Variants in TLK1 observed in about 807,000 individuals in gnomAD.
The protein encoded by TLK1 is tousled like kinase 1.
Under a neutral mutation model 105.3 loss-of-function variants are expected in TLK1, and 24 were observed. That is an observed-to-expected ratio of 0.23 (90% CI 0.17 to 0.32). The LOEUF is 0.32. Ranked by LOEUF, TLK1 falls within the 10% of genes least tolerant of loss-of-function variation. TLK1 has a pLI of 1.00. For synonymous variants in TLK1, 321 were observed against 310.4 expected (o/e 1.03, Z -0.36); for missense variants, 558 against 910.5 (o/e 0.61, Z 4.98).
chr2:171,046,109 C>A, intron 11 of TLK1, 65 bp downstream of exon 11: 2 of 1,287,714 alleles, frequency 1.6e-6, no homozygotes, highest in Non-Finnish European at 1.0e-6. Context: ...AAATAACATC[C>A]ATTAGTAACA....
At chr2:171,105,287 ACAACT>A (rs1255703935) in intron 2 of TLK1, among the ~76,000 whole-genome samples, 8 of 152,230 alleles carry the variant, frequency 5.3e-5, no homozygotes, top group African/African-American at 1.9e-4. Flanking sequence ...AGGAACTCAA[ACAACT>A]CAACAGCAAA....
At chr2:171,124,479 C>A (rs2105543743) in intron 1 of TLK1, among the ~76,000 whole-genome samples, 1 of 152,324 alleles carries the variant, frequency 6.6e-6, no homozygotes, top group African/African-American at 2.4e-5. Flanking sequence ...TTTACCACTT[C>A]TAAGCCAGTC....
At chr2:171,020,425 A>G (rs1301365225) in intron 12 of TLK1, among the ~76,000 whole-genome samples, 1 of 151,968 alleles carries the variant, frequency 6.6e-6, no homozygotes, top group Non-Finnish European at 1.5e-5. Context: ...CTGTAGTCCC[A>G]GCTACTTGAG....
At chr2:171,154,419 A>C (rs1692158470) in intron 1 of TLK1, 1 of 152,080 alleles carries the variant, frequency 6.6e-6, no homozygotes, top group Non-Finnish European at 1.5e-5. Flanking sequence ...TAATGGAAAA[A>C]AAAAACCAAC....
At position 171,145,589 on chromosome 2, in the gene TLK1, CAAAAAAA is replaced by C. The variant is rs71401407; in HGVS notation, c.139+14694_139+14700del. ...TGGGCAACAGGGTGAGACTCTGTCT[CAAAAAAA>C]AAAAAACAAAAAACAAATATAATGT... On this transcript the variant is annotated intron_variant, in intron 1 of 20. Coordinates refer to ENST00000431350, the MANE Select transcript of TLK1 (RefSeq NM_012290.5). 1.5e-3 allele frequency among the ~76,000 whole-genome samples: 174 copies of C among 116,174 alleles called. 4 individuals are homozygous for C. The highest frequency in any genetic ancestry group is 5.3e-3 in the African/African-American group (166 of 31,166). The allele number at this position is 116,174 out of a possible 152,430, so 76.2% of individuals were successfully genotyped here. A position where few individuals can be genotyped will look rare whatever the true frequency, so the allele number is the denominator to read the frequency against.
chr2:171,104,954 G>T (rs1389634336), intron 2 of TLK1, among the ~76,000 whole-genome samples: 1 of 152,118 alleles, frequency 6.6e-6, no homozygotes, highest in Non-Finnish European at 1.5e-5. Context: ...ATATCCATAG[G>T]CAGAAAAATG....
chr2:171,101,265 GAACC>G (rs879744617), intron 2 of TLK1, among the ~76,000 whole-genome samples: 5,545 of 146,960 alleles, frequency 0.038, 403 homozygotes, highest in East Asian at 0.31. Context: ...AGAATCACTT[GAACC>G]CAGAAGGTGG....
chr2:171,063,129 T>G (rs1159757807), intron 3 of TLK1, among the ~76,000 whole-genome samples: 1 of 152,270 alleles, frequency 6.6e-6, no homozygotes, highest in African/African-American at 2.4e-5. Flanking sequence ...GCAGATCATA[T>G]GAGGTCAGGA....
chr2:171,224,819 G>A (rs745735656), intron 1 of TLK1, among the ~76,000 whole-genome samples: 22 of 152,140 alleles, frequency 1.4e-4, no homozygotes, highest in South Asian at 4.1e-4. Flanking sequence ...TAAAGCTATA[G>A]CAATCAAGAC....
chr2:171,213,267 T>A, intron 1 of TLK1, among the ~76,000 whole-genome samples: 1 of 151,604 alleles, frequency 6.6e-6, no homozygotes. Flanking sequence ...GGCATGACAA[T>A]CATGGCTCAC....
intron 18 of TLK1, among the ~76,000 whole-genome samples, chr2:171,001,457 C>CA (rs1237505496): frequency 2.4e-4 from 37 of 151,846 alleles, no homozygotes. Context: ...GGAACCAATC[C>CA]AAAAAAAGGG....
At chr2:171,095,744 C>T (rs1358959964) in intron 2 of TLK1, among the ~76,000 whole-genome samples, 3 of 151,890 alleles carry the variant, frequency 2.0e-5, no homozygotes, top group Non-Finnish European at 4.4e-5. Context: ...TTATGATCAT[C>T]TCAATAGATA....
chr2:171,107,322 A>G (rs1317696218), intron 2 of TLK1, among the ~76,000 whole-genome samples: 7 of 152,166 alleles, frequency 4.6e-5, no homozygotes, highest in Admixed American at 2.6e-4. Flanking sequence ...CTCTTTTGTA[A>G]TAACTAATCT....
At position 171,205,256 on chromosome 2, in the gene TLK1, G is replaced by A. The variant is rs142562156; in HGVS notation, c.-6+25889C>T. Among the ~76,000 whole-genome samples the A allele has an allele frequency of 2.5e-3, 382 of 151,574 alleles. 1 individual carries two copies. The South Asian group carries it at 0.032, about 13-fold the overall frequency. ...GTCATTCATAGGTGTTCCATCTATC[G>A]TCTATTAAATATATGACAGTTAAAT... On this transcript the variant is annotated intron_variant, in intron 1 of 20. Coordinates refer to the TLK1 transcript ENST00000521943.
At chr2:171,021,202 A>C (rs1268866716) in intron 12 of TLK1, among the ~76,000 whole-genome samples, 1 of 152,170 alleles carries the variant, frequency 6.6e-6, no homozygotes, top group East Asian at 1.9e-4. Flanking sequence ...CAAAACAAAA[A>C]CTACCTCCCC....
chr2:171,052,307 G>GT (rs1687279477), intron 8 of TLK1, among the ~76,000 whole-genome samples: 1 of 152,024 alleles, frequency 6.6e-6, no homozygotes, highest in African/African-American at 2.4e-5. Context: ...AGAAATAACT[G>GT]GTATTATACA....
chr2:171,050,931 T>C (rs1026189449), intron 8 of TLK1, among the ~76,000 whole-genome samples: 3 of 152,222 alleles, frequency 2.0e-5, no homozygotes, highest in Non-Finnish European at 2.9e-5. Flanking sequence ...CTGATGCTCC[T>C]GGTCTGAAGA....
intron 1 of TLK1, among the ~76,000 whole-genome samples, chr2:171,193,777 A>G (rs1195365480): frequency 1.5e-5 from 2 of 135,714 alleles, no homozygotes; most frequent in African/African-American, 5.6e-5. Context: ...ATGCAGTGGC[A>G]CAATCACGGC....
chr2:171,194,682 T>G (rs1429289627), intron 1 of TLK1, among the ~76,000 whole-genome samples: 1 of 150,148 alleles, frequency 6.7e-6, no homozygotes, highest in Non-Finnish European at 1.5e-5. Context: ...CCGGGCGTGG[T>G]AGCGGGCGCC....
Sources: gnomAD v4.1 joint callset for allele counts (sites outside exome capture counted in the v4.1 genomes callset) on GRCh38, gnomAD v4.1.1 for gene constraint, MANE v1.5 for transcripts, NCBI Gene and HGNC (gene_info 2026-07-23, HGNC 2026-07-21) for gene names.